Variants in GNPAT observed in about 807,000 individuals in gnomAD.
GNPAT encodes dihydroxyacetone phosphate acyltransferase.
In GNPAT, 30 loss-of-function variants were observed where a neutral mutation model predicts 78.4. The observed-to-expected ratio is 0.38, with a 90% CI of 0.29 to 0.52. The LOEUF is 0.52. Among genes scored for constraint, GNPAT ranks in the 20% least tolerant of loss-of-function variants. GNPAT has a pLI of 0.84. For missense variants in GNPAT, 714 were observed against 812.2 expected (o/e 0.88, Z 1.47); for synonymous variants, 271 against 281.1 (o/e 0.96, Z 0.36).
At position 231,248,263 on chromosome 1, in the gene GNPAT, G is replaced by A. The variant is rs1025925380; in HGVS notation, c.79-2698G>A. Among the ~76,000 whole-genome samples, 3 of 152,274 alleles carry A rather than the reference G, an allele frequency of 2.0e-5. No homozygotes were observed. The South Asian group carries it at 6.2e-4, about 32-fold the overall frequency. ...TGTATTCTTAATAAAGTATGCTAGA[G>A]AAAAGAAAATGTTACTAAGAAAATC... is the stretch of plus-strand genomic sequence containing the variant. On this transcript the variant is annotated intron_variant, in intron 1 of 15. Transcript: ENST00000366647.
At chr1:231,250,092 A>G (rs1684851750) in intron 1 of GNPAT, among the ~76,000 whole-genome samples, 1 of 148,788 alleles carries the variant, frequency 6.7e-6, no homozygotes, top group African/African-American at 2.4e-5. Flanking sequence ...TATTATTATT[A>G]TTATTATTAT....
At chr1:231,245,268 A>G (rs1372168306) in intron 1 of GNPAT, among the ~76,000 whole-genome samples, 2 of 152,278 alleles carry the variant, frequency 1.3e-5, no homozygotes, top group Admixed American at 6.5e-5. Context: ...TTTTAGAGCC[A>G]GGATCTTGCT....
rs192693268 is a variant in GNPAT, at chr1:231,264,331, T to G, written c.569-962T>G. Among the ~76,000 whole-genome samples the G allele has an allele frequency of 1.6e-3, 249 of 152,348 alleles. 1 individual carries two copies. The highest frequency in any genetic ancestry group is 5.7e-3 in the African/African-American group (238 of 41,588). On this transcript the variant is annotated intron_variant, in intron 4 of 15. Transcript: ENST00000366647. ...CATTAATTTTAATAGCCATATAATA[T>G]TCAGCAGTGTGGATATTTCATAATT...
intron 9 of GNPAT, among the ~76,000 whole-genome samples, chr1:231,268,801 G>A (rs563250806): frequency 4.6e-5 from 7 of 151,814 alleles, no homozygotes; most frequent in African/African-American, 1.5e-4. Context: ...AGCTACTCGG[G>A]AGGCTGAGGC....
intron 2 of GNPAT, among the ~76,000 whole-genome samples, chr1:231,253,816 C>T (rs537331594): frequency 2.0e-5 from 3 of 152,344 alleles, no homozygotes; most frequent in South Asian, 4.1e-4. Context: ...CAGTGCCTAA[C>T]ACATAGTAGA....
Position 231,265,715 on chromosome 1 carries a change from G to C in GNPAT, c.700G>C (p.Gly234Arg). The C allele has an allele frequency of 6.3e-7, 1 of 1,577,390 alleles. No homozygotes were observed. The highest frequency in any genetic ancestry group is 8.7e-7 in the Non-Finnish European group (1 of 1,146,480). The stretch of plus-strand genomic sequence containing the variant: ...TTTGTTTGTTTTCTCTTTAAAGAAT[G>C]GTTATGCTCCTGTTGAATTTTTCCT... The part of the protein sequence containing the change: ...SEYVKTMLRN[G>R]YAPVEFFLEG... Residue 234 changes from glycine (G) to arginine (R), a missense_variant, in exon 6 of 16, where the codon GGT becomes CGT. Physicochemically the swap from Gly to Arg is moderately radical, Grantham distance 125. Coordinates refer to ENST00000366647, the MANE Select transcript of GNPAT (RefSeq NM_014236.4).
intron 1 of GNPAT, among the ~76,000 whole-genome samples, chr1:231,246,729 T>C (rs558738498): frequency 6.6e-6 from 1 of 152,334 alleles, no homozygotes; most frequent in African/African-American, 2.4e-5. Context: ...CACATAGGAA[T>C]CACTTGGAGT....
At chr1:231,277,003 C>T (rs190246837) in intron 15 of GNPAT, among the ~76,000 whole-genome samples, 3 of 151,956 alleles carry the variant, frequency 2.0e-5, no homozygotes, top group East Asian at 3.9e-4. Flanking sequence ...ATGGGGCATA[C>T]GGAAAAGGAG....
At chr1:231,277,075 G>A (rs1244318800) in intron 15 of GNPAT, among the ~76,000 whole-genome samples, 1 of 152,188 alleles carries the variant, frequency 6.6e-6, no homozygotes, top group African/African-American at 2.4e-5. Context: ...GAAGGCGGAA[G>A]TACTAGACCT....
intron 12 of GNPAT, chr1:231,274,919 C>A: frequency 3.1e-6 from 1 of 321,546 alleles, no homozygotes; most frequent in Non-Finnish European, 5.9e-6. Flanking sequence ...CCCTCTCTTC[C>A]CAAGTAGCAT....
chr1:231,273,230 G>T (rs996580473), intron 11 of GNPAT, among the ~76,000 whole-genome samples: 4 of 151,278 alleles, frequency 2.6e-5, no homozygotes, highest in Non-Finnish European at 5.9e-5. Context: ...GTAGGGAGTG[G>T]AACAGGAGTG....
intron 2 of GNPAT, among the ~76,000 whole-genome samples, chr1:231,254,534 C>T (rs374126470): frequency 6.6e-6 from 1 of 151,926 alleles, no homozygotes; most frequent in African/African-American, 2.4e-5. Context: ...CTCTGCCTCC[C>T]GGGTTCACAC....
intron 1 of GNPAT, among the ~76,000 whole-genome samples, chr1:231,249,483 A>G (rs905146231): frequency 1.3e-5 from 2 of 152,216 alleles, no homozygotes; most frequent in Non-Finnish European, 2.9e-5. Flanking sequence ...GTTATTGACC[A>G]ATTATGCTAT....
At chr1:231,268,767 A>G (rs574557796) in intron 9 of GNPAT, among the ~76,000 whole-genome samples, 44 of 151,298 alleles carry the variant, frequency 2.9e-4, no homozygotes, top group African/African-American at 1.0e-3. Context: ...TTAGCCGGGC[A>G]TGGTGGCGTG....
chr1:231,277,654 A>T lies in GNPAT; in HGVS notation c.*112A>T, dbSNP rs1685755267. ...GACACATCCTCTCATACTCCCTGAG[A>T]CTCTGAGAACAGTGGACGCAGAGGG... On this transcript the variant is annotated 3_prime_UTR_variant, in exon 16 of 16. Transcript: ENST00000366647. The T allele has an allele frequency of 1.3e-6, 1 of 756,430 alleles. No individual in the cohort carries two copies. Among genetic ancestry groups the T allele is most frequent in the Admixed American group, 1.8e-5 (1 of 54,988 alleles). 46.9% of individuals were successfully genotyped at this position (756,430 alleles called of 1,614,324 possible). A position where few individuals can be genotyped will look rare whatever the true frequency, so the allele number is the denominator to read the frequency against.
At chr1:231,262,452 G>T (rs926251611) in intron 3 of GNPAT, among the ~76,000 whole-genome samples, 3 of 152,144 alleles carry the variant, frequency 2.0e-5, no homozygotes, top group African/African-American at 7.2e-5. Context: ...CTAATATAGT[G>T]CCCAACTAAT....
At chr1:231,259,772 C>T (rs1451829910) in intron 2 of GNPAT, among the ~76,000 whole-genome samples, 2 of 152,094 alleles carry the variant, frequency 1.3e-5, no homozygotes, top group East Asian at 3.9e-4. Flanking sequence ...CTTCTGAGCT[C>T]ATCCTAAAGC....
chr1:231,251,128 T>G lies in GNPAT; in HGVS notation c.246T>G (p.His82Gln). The G allele has an allele frequency of 6.3e-7, 1 of 1,577,482 alleles. No individual in the cohort carries two copies. The highest frequency in any genetic ancestry group is 8.7e-7 in the Non-Finnish European group (1 of 1,151,432). The part of the protein sequence containing the change: ...KCSVLNSEEI[H>Q]YVIKQLSKES... ...GTGTTCTCAATTCTGAGGAGATTCA[T>G]TATGTCATTAAACAGGTAAGTGATT... The change falls in exon 2 of 16, where the codon CAT (histidine) becomes CAG (glutamine). Residue 82 changes from histidine to glutamine, a missense_variant. Physicochemically the swap from His to Gln is conservative, Grantham distance 24. Coordinates refer to ENST00000366647, the MANE Select transcript of GNPAT (RefSeq NM_014236.4).
chr1:231,271,271 G>T lies in GNPAT; in HGVS notation c.1522+271G>T, dbSNP rs1045818720. 5.3e-5 allele frequency among the ~76,000 whole-genome samples: 8 copies of T among 152,178 alleles called. No individual in the cohort carries two copies. In the South Asian group the frequency reaches 8.3e-4, roughly 16 times the overall value. On this transcript the variant is annotated intron_variant, in intron 10 of 15. Coordinates refer to ENST00000366647, the MANE Select transcript of GNPAT (RefSeq NM_014236.4). ...TGCATAATTACTGAGAGAAGGATCT[G>T]GCATTTGAGTACAGTTCTCCACTTC...
Sources: gnomAD v4.1 joint callset for allele counts (sites outside exome capture counted in the v4.1 genomes callset) on GRCh38, gnomAD v4.1.1 for gene constraint, MANE v1.5 for transcripts, NCBI Gene and HGNC (gene_info 2026-07-23, HGNC 2026-07-21) for gene names.